Variants in ZNF311 observed in about 807,000 individuals in gnomAD.
The protein encoded by ZNF311 is zinc finger protein zfp31.
Under a neutral mutation model 22.7 loss-of-function variants are expected in ZNF311, and 14 were observed. That is an observed-to-expected ratio of 0.62 (90% CI 0.41 to 0.96). The LOEUF (loss-of-function observed/expected upper bound fraction) is 0.96. Ranked by LOEUF, ZNF311 falls within the 40% of genes least tolerant of loss-of-function variation. ZNF311 has a pLI of 0.00. For missense variants in ZNF311, 731 were observed against 799.0 expected (o/e 0.91, Z 1.03); for synonymous variants, 250 against 275.3 (o/e 0.91, Z 0.91).
At chr6:29,002,794 T>C (rs950484287) in intron 3 of ZNF311, among the ~76,000 whole-genome samples, 24 of 152,060 alleles carry the variant, frequency 1.6e-4, no homozygotes, top group African/African-American at 4.3e-4. Flanking sequence ...CTAATTTTTG[T>C]ATTTTTAGTA....
At chr6:29,001,668 G>C (rs1780464142) in intron 3 of ZNF311, among the ~76,000 whole-genome samples, 2 of 152,092 alleles carry the variant, frequency 1.3e-5, no homozygotes, top group Admixed American at 6.6e-5. Flanking sequence ...CAAGTATATA[G>C]AAAAGTTGAA....
chr6:28,999,887 G>T, intron 4 of ZNF311, 69 bp downstream of exon 4: 1 of 1,512,834 alleles, frequency 6.6e-7, no homozygotes, highest in Non-Finnish European at 9.1e-7. Context: ...AGAGAACGCA[G>T]TGAAAACAAG....
intron 3 of ZNF311, 118 bp downstream of exon 3, chr6:29,003,395 A>G (rs553736030): frequency 1.2e-6 from 1 of 838,946 alleles, no homozygotes; most frequent in East Asian, 2.4e-5. Context: ...AAGACTTTCT[A>G]TAAATGCTCA....
At position 28,998,810 on chromosome 6, in the gene ZNF311, G is replaced by C. The variant is rs1779999111; in HGVS notation, c.339C>G (p.Ile113Met). The C allele has an allele frequency of 3.1e-6, 5 of 1,612,866 alleles. No individual in the cohort carries two copies. In the Admixed American group the frequency reaches 8.3e-5, roughly 27 times the overall value. The change falls in exon 6 of 7, where the codon ATC becomes ATG. Residue 113 changes from isoleucine to methionine, a missense_variant. By Grantham distance (10) the Ile-to-Met change is conservative. Transcript: ENST00000377179. Reference sequence around the variant, plus strand: ...GGTCTACTTCTCGCTCCAGATGAGAGATTAAAGGAGGTTTAGGAAATGGAA... The same window carrying C: ...GGTCTACTTCTCGCTCCAGATGAGACATTAAAGGAGGTTTAGGAAATGGAA... The part of the protein sequence containing the change: ...LGFPFPKPPL[I>M]SHLEREVDPC...
chr6:28,995,379 G>A lies in ZNF311; in HGVS notation c.1623C>T (p.Asn541=). The A allele has an allele frequency of 1.1e-5, 17 of 1,614,098 alleles. No homozygotes were observed. Among genetic ancestry groups the A allele is most frequent in the Non-Finnish European group, 1.4e-5 (17 of 1,180,030 alleles). ...ECGKAFSGKS[N]LTNHRRIHTG... is the part of the protein sequence containing the mutation. ...TGTGAATTCTTCGATGATTGGTCAA[G>A]TTTGACTTCCCACTGAAAGCTTTCC... The change falls in exon 7 of 7, where the codon AAC becomes AAT. Residue 541 remains asparagine, a synonymous_variant. Coordinates refer to ENST00000377179, the MANE Select transcript of ZNF311 (RefSeq NM_001382360.1). This position sits in a 1 kb window ranked among gnomAD's most constrained non-coding sequence, Gnocchi z 4.7.
intron 3 of ZNF311, 36 bp from the exon 4 acceptor site, chr6:29,000,083 C>T: frequency 6.3e-7 from 1 of 1,579,674 alleles, no homozygotes; most frequent in South Asian, 1.1e-5. Context: ...GTCAATATAG[C>T]ACAGTATTAA....
rs781741148 is a variant in ZNF311, at chr6:28,995,391, A to G, written c.1611T>C (p.Ser537=). The change falls in exon 7 of 7, where the codon AGT becomes AGC. Residue 537 remains serine, a synonymous_variant. Transcript: ENST00000377179. This position sits in a 1 kb window ranked among gnomAD's most constrained non-coding sequence, Gnocchi z 4.7. ...YKCLECGKAF[S]GKSNLTNHRR... ...GATGATTGGTCAAGTTTGACTTCCC[A>G]CTGAAAGCTTTCCCACACTCTAAAC... 11 of 1,614,006 alleles carry G rather than the reference A, an allele frequency of 6.8e-6. No individual in the cohort carries two copies. The highest frequency in any genetic ancestry group is 9.3e-6 in the Non-Finnish European group (11 of 1,179,992).
chr6:29,003,881 TTC>T, intron 2 of ZNF311, 63 bp downstream of exon 2: 2 of 1,612,824 alleles, frequency 1.2e-6, no homozygotes, highest in East Asian at 2.2e-5. Context: ...ACTGCTTTCC[TTC>T]TTTCTTGGAC....
Position 28,999,988 on chromosome 6 carries a change from G to A in ZNF311, c.151C>T (p.Gln51Ter), listed in dbSNP as rs1780216303. Residue 51 changes from glutamine (Q) to a stop codon, truncating the protein, a stop_gained, in exon 4 of 7, where the codon CAA (glutamine) becomes TAA (stop). Transcript: ENST00000377179. LOFTEE classifies it high-confidence loss of function. ...TKDGSQGNLP[Q>*]ADITLMSQAQ... ...TGGCTCATTAGTGTGATATCTGCTT[G>A]CGGCAGGTTTCCTTGGCTTCCATCT... 1 of 1,613,754 alleles carries A rather than the reference G, an allele frequency of 6.2e-7. No homozygotes were observed. The highest frequency in any genetic ancestry group is 8.5e-7 in the Non-Finnish European group (1 of 1,179,940).
In ZNF311 at chr6:29,000,132, G is replaced by A. The variant is rs1780240450; in HGVS notation, c.92-85C>T. 35 of 1,314,180 alleles carry A rather than the reference G, an allele frequency of 2.7e-5. No individual in the cohort carries two copies. The South Asian group carries it at 4.4e-4, about 17-fold the overall frequency. 81.4% of individuals were successfully genotyped at this position (1,314,180 alleles called of 1,614,324 possible). A position where few individuals can be genotyped will look rare whatever the true frequency, so the allele number is the denominator to read the frequency against. On this transcript the variant is annotated intron_variant, in intron 3 of 6. Transcript: ENST00000377179. ...ATTCGTCTTCTCTTCCTCAAATGTA[G>A]AAGCTTCTGCAGCTCTAACCTAGGG...
At chr6:29,003,731 T>C in intron 2 of ZNF311, 137 bp from the exon 3 acceptor site, 9 of 1,396,542 alleles carry the variant, frequency 6.4e-6, no homozygotes, top group Non-Finnish European at 9.0e-6. Context: ...AATAATGGAC[T>C]CAGTTCCTAA....
intron 3 of ZNF311, among the ~76,000 whole-genome samples, chr6:29,002,206 T>C (rs1283120915): frequency 6.6e-6 from 1 of 152,248 alleles, no homozygotes; most frequent in East Asian, 1.9e-4. Flanking sequence ...TGGGATAAGA[T>C]TAATACATTT....
At position 28,996,453 on chromosome 6, in the gene ZNF311, T is replaced by A; in HGVS notation, c.549A>T (p.Glu183Asp). The change falls in exon 7 of 7, where the codon GAA becomes GAT. Residue 183 changes from glutamate to aspartate, a missense_variant. By Grantham distance (45) the Glu-to-Asp change is conservative. Coordinates refer to ENST00000377179, the MANE Select transcript of ZNF311 (RefSeq NM_001382360.1). ...CTAATTTGACATCCTGAACACAAAC[T>A]TCTCTAACCTTAGGATCCCGGGAAT... ...KVDSRDPKVREVCVQDVKLEN... is the reference protein window; with the variant it reads ...KVDSRDPKVRDVCVQDVKLEN... 4 of 1,609,496 alleles carry A rather than the reference T, an allele frequency of 2.5e-6. No homozygotes were observed. The highest frequency in any genetic ancestry group is 3.4e-6 in the Non-Finnish European group (4 of 1,180,026).
Position 29,005,043 on chromosome 6 carries a change from A to T in ZNF311, c.-296T>A, listed in dbSNP as rs1781002448. ...ATGAATTCTTCTTTTCCTCTATAGC[A>T]CTTTATAATTTTCCAGTATGGTGCA... On this transcript the variant is annotated 5_prime_UTR_variant, in exon 1 of 7. Coordinates refer to ENST00000377179, the MANE Select transcript of ZNF311 (RefSeq NM_001382360.1). The T allele has an allele frequency of 6.6e-6, 1 of 152,070 alleles. No individual in the cohort carries two copies. Among genetic ancestry groups the T allele is most frequent in the African/African-American group, 2.4e-5 (1 of 41,390 alleles). The allele number at this position is 152,070 out of a possible 1,614,324, so 9.4% of individuals were successfully genotyped here. A position where few individuals can be genotyped will look rare whatever the true frequency, so the allele number is the denominator to read the frequency against.
At chr6:29,000,704 A>C (rs1780324803) in intron 3 of ZNF311, among the ~76,000 whole-genome samples, 1 of 152,174 alleles carries the variant, frequency 6.6e-6, no homozygotes, top group Non-Finnish European at 1.5e-5. Flanking sequence ...GAGCATTTTA[A>C]AATGCAAAAG....
rs905589316 is a variant in ZNF311, at chr6:29,003,814, A to T, written c.9+132T>A. On this transcript the variant is annotated intron_variant, in intron 2 of 6. Coordinates refer to ENST00000377179, the MANE Select transcript of ZNF311 (RefSeq NM_001382360.1). ...GATCACCAGGTCAAGCAGCAAAAACAGTATCTAGGAGGAGACACCTCCAAC... is the reference window on the plus strand; with the variant it reads ...GATCACCAGGTCAAGCAGCAAAAACTGTATCTAGGAGGAGACACCTCCAAC... 3.8e-6 allele frequency: 6 copies of T among 1,586,082 alleles called. No homozygotes were observed. In the African/African-American group the frequency reaches 4.1e-5, roughly 11 times the overall value.
chr6:28,998,708 G>C (rs1217066056), intron 6 of ZNF311, 26 bp downstream of exon 6: 14 of 1,487,196 alleles, frequency 9.4e-6, no homozygotes, highest in Non-Finnish European at 1.2e-5. Flanking sequence ...AGATCAGAGG[G>C]AACTGAAAGT....
At position 29,005,230 on chromosome 6, in the gene ZNF311, A is replaced by G. The variant is rs531570699; in HGVS notation, c.-483T>C. On this transcript the variant is annotated 5_prime_UTR_variant, in exon 1 of 7. Coordinates refer to ENST00000377179, the MANE Select transcript of ZNF311 (RefSeq NM_001382360.1). ...AATAGTATGTGCTGGATTAAAAATTAGCTGACTGAATGAATATATGAATGG... is the reference window on the plus strand; with the variant it reads ...AATAGTATGTGCTGGATTAAAAATTGGCTGACTGAATGAATATATGAATGG... 1 of 151,776 alleles carries G rather than the reference A, an allele frequency of 6.6e-6. No individual in the cohort carries two copies. Among genetic ancestry groups the G allele is most frequent in the African/African-American group, 2.4e-5 (1 of 41,328 alleles). 9.4% of individuals were successfully genotyped at this position (151,776 alleles called of 1,614,324 possible).
At chr6:29,001,091 T>C (rs549574276) in intron 3 of ZNF311, among the ~76,000 whole-genome samples, 1 of 152,296 alleles carries the variant, frequency 6.6e-6, no homozygotes, top group South Asian at 2.1e-4. Flanking sequence ...GTAGTTCATA[T>C]TACTAATTAA....
Sources: gnomAD v4.1 joint callset for allele counts (sites outside exome capture counted in the v4.1 genomes callset) on GRCh38, gnomAD v4.1.1 for gene constraint, Gnocchi (gnomAD v3.1) non-coding constraint, MANE v1.5 for transcripts, NCBI Gene and HGNC (gene_info 2026-07-23, HGNC 2026-07-21) for gene names.